Variants in HSPE1 observed in about 807,000 individuals in gnomAD.
The protein encoded by HSPE1 is heat shock protein family E (Hsp10) member 1, also known as 10 kDa heat shock protein, mitochondrial.
HSPE1 carries 1 observed loss-of-function variant against 13.2 expected under a neutral mutation model. The ratio of observed to expected loss-of-function variants is 0.08; its 90% CI spans 0.03 to 0.36. The LOEUF (loss-of-function observed/expected upper bound fraction) is 0.36. Among genes scored for constraint, HSPE1 ranks in the 10% least tolerant of loss-of-function variants. The probability of loss-of-function intolerance (pLI) is 0.99; values close to 1 mark genes in which losing one functional copy is unlikely to be tolerated. For missense variants in HSPE1, 73 were observed against 118.7 expected, an observed-to-expected ratio of 0.62 and a Z score of 1.79; for synonymous variants, 44 against 42.0, an observed-to-expected ratio of 1.05 and a Z score of -0.19.
chr2:197,502,000 A>C (rs2106086325), intron 2 of HSPE1, among the ~76,000 whole-genome samples: 1 of 152,292 alleles, frequency 6.6e-6, no homozygotes, highest in South Asian at 2.1e-4. Flanking sequence ...CTACAAAATA[A>C]ATAAATACAA....
chr2:197,501,572 G>C (rs1404190217), intron 2 of HSPE1: 2 of 170,938 alleles, frequency 1.2e-5, no homozygotes, highest in Non-Finnish European at 2.5e-5. Context: ...AGACCAGCCT[G>C]ACCAACATGG....
intron 2 of HSPE1, among the ~76,000 whole-genome samples, chr2:197,502,275 A>G (rs542501777): frequency 2.6e-5 from 4 of 152,340 alleles, no homozygotes; most frequent in Admixed American, 1.3e-4. Context: ...AGCTACTGCT[A>G]ATGTTAGTGT....
At chr2:197,500,967 G>A in intron 1 of HSPE1, 107 bp from the exon 2 acceptor site, 1 of 1,323,900 alleles carries the variant, frequency 7.6e-7, no homozygotes, top group South Asian at 1.4e-5. Flanking sequence ...GAGGTTTGGT[G>A]TTAACTTTCA....
chr2:197,500,988 G>A (rs1476606455), intron 1 of HSPE1, 86 bp from the exon 2 acceptor site: 3 of 1,487,242 alleles, frequency 2.0e-6, no homozygotes, highest in African/African-American at 2.8e-5. Flanking sequence ...AAGCCAAAAC[G>A]TGTTGAGATG....
intron 1 of HSPE1, chr2:197,500,655 G>A (rs747525013): frequency 1.2e-5 from 8 of 685,480 alleles, no homozygotes; most frequent in African/African-American, 1.1e-4. Flanking sequence ...AAGGCAGGGG[G>A]GCGAGAACCC....
chr2:197,503,015 A>G (rs2086275230), intron 2 of HSPE1, 24 bp from the exon 3 acceptor site: 1 of 1,369,028 alleles, frequency 7.3e-7, no homozygotes. Context: ...TATCTTTGCT[A>G]ATAAACATCC....
Position 197,500,451 on chromosome 2 carries a change from G to T in HSPE1, c.3+12G>T. 1 of 1,598,866 alleles carries T rather than the reference G, an allele frequency of 6.3e-7. No homozygotes were observed. Reference sequence around the variant, plus strand: ...CGGAGGGAGTAATGGTGAGTCCCGCGTGGCCCCGAGGCCTGCAGGCCCGGG... The same window carrying T: ...CGGAGGGAGTAATGGTGAGTCCCGCTTGGCCCCGAGGCCTGCAGGCCCGGG... On this transcript the variant is annotated intron_variant, in intron 1 of 3. Transcript: ENST00000233893.
In HSPE1 at chr2:197,503,202, C is replaced by T. The variant is rs372689034; in HGVS notation, c.259-7C>T. 4 of 1,600,528 alleles carry T rather than the reference C, an allele frequency of 2.5e-6. No individual in the cohort carries two copies. The African/African-American group carries it at 4.0e-5, about 16-fold the overall frequency. On this transcript the variant is annotated splice_polypyrimidine_tract_variant and splice_region_variant and intron_variant, in intron 3 of 3. Coordinates refer to ENST00000233893, the MANE Select transcript of HSPE1 (RefSeq NM_002157.3). ...TTGTCTTAACTAATGGTTTTTTTCA[C>T]TTGCAGGATTATTTCCTATTTAGAG... is the stretch of plus-strand genomic sequence containing the variant.
chr2:197,502,207 A>G (rs1012558055), intron 2 of HSPE1, among the ~76,000 whole-genome samples: 1 of 152,208 alleles, frequency 6.6e-6, no homozygotes, highest in Non-Finnish European at 1.5e-5. Context: ...CGCCTAACGC[A>G]AATCCCTAAA....
chr2:197,500,991 T>G, intron 1 of HSPE1, 83 bp from the exon 2 acceptor site: 4 of 1,499,006 alleles, frequency 2.7e-6, no homozygotes, highest in Non-Finnish European at 2.7e-6. Context: ...CCAAAACGTG[T>G]TGAGATGTAT....
intron 2 of HSPE1, among the ~76,000 whole-genome samples, chr2:197,502,153 T>C (rs1488582603): frequency 6.6e-6 from 1 of 152,228 alleles, no homozygotes; most frequent in Non-Finnish European, 1.5e-5. Context: ...AGGAACAGGT[T>C]GGTCAGTCTT....
chr2:197,500,955 C>T (rs1318135774), intron 1 of HSPE1, 119 bp from the exon 2 acceptor site: 1 of 1,167,440 alleles, frequency 8.6e-7, no homozygotes, highest in Middle Eastern at 2.8e-4. Flanking sequence ...AACGAATAAG[C>T]TGAGGTTTGG....
In HSPE1 at chr2:197,503,095, A is replaced by T; in HGVS notation, c.225A>T (p.Glu75Asp). The T allele has an allele frequency of 4.4e-6, 7 of 1,608,642 alleles. No homozygotes were observed. Among genetic ancestry groups the T allele is most frequent in the Non-Finnish European group, 6.0e-6 (7 of 1,176,278 alleles). Residue 75 changes from glutamate (E) to aspartate (D), a missense_variant, in exon 3 of 4, where the codon GAA becomes GAT. Transcript: ENST00000233893. Reference sequence around the variant, plus strand: ...TTGGAGATAAAGTTCTTCTCCCAGAATATGGAGGCACCAAAGTAGTTCTAG... The same window carrying T: ...TTGGAGATAAAGTTCTTCTCCCAGATTATGGAGGCACCAAAGTAGTTCTAG... ...VKVGDKVLLP[E>D]YGGTKVVLDD... is the part of the protein sequence containing the mutation.
At position 197,503,343 on chromosome 2, in the gene HSPE1, C is replaced by T. The variant is rs970119399; in HGVS notation, c.*84C>T. Reference sequence around the variant, plus strand: ...AATCTTTCGTCATGTAAATAATTTCCATATTTCTCTTTTATAATAAACTAA... The same window carrying T: ...AATCTTTCGTCATGTAAATAATTTCTATATTTCTCTTTTATAATAAACTAA... On this transcript the variant is annotated 3_prime_UTR_variant, in exon 4 of 4. Transcript: ENST00000233893. The T allele has an allele frequency of 2.3e-6, 2 of 884,808 alleles. No individual in the cohort carries two copies. The highest frequency in any genetic ancestry group is 1.7e-5 in the African/African-American group (1 of 59,786). The allele number at this position is 884,808 out of a possible 1,614,324, so 54.8% of individuals were successfully genotyped here. A position where few individuals can be genotyped will look rare whatever the true frequency, so the allele number is the denominator to read the frequency against.
intron 1 of HSPE1, 23 bp from the exon 2 acceptor site, chr2:197,501,051 T>C: frequency 6.2e-7 from 1 of 1,606,846 alleles, no homozygotes; most frequent in East Asian, 2.2e-5. Context: ...AGTTTTTGTT[T>C]CAAAACATTT....
Position 197,503,431 on chromosome 2 carries a change from A to C in HSPE1, c.*172A>C. ...CCTTGTACTGATATAAACACTTCCA[A>C]ATAAAAATATGTAAATGAGTGGTTA... On this transcript the variant is annotated 3_prime_UTR_variant, in exon 4 of 4. Coordinates refer to ENST00000233893, the MANE Select transcript of HSPE1 (RefSeq NM_002157.3). 1 of 450,972 alleles carries C rather than the reference A, an allele frequency of 2.2e-6. No individual in the cohort carries two copies. The highest frequency in any genetic ancestry group is 3.9e-6 in the Non-Finnish European group (1 of 255,158). The allele number at this position is 450,972 out of a possible 1,614,324, so 27.9% of individuals were successfully genotyped here. A position where few individuals can be genotyped will look rare whatever the true frequency, so the allele number is the denominator to read the frequency against.
At chr2:197,500,477 C>T (rs1278413283) in intron 1 of HSPE1, 38 bp downstream of exon 1, 2 of 1,585,080 alleles carry the variant, frequency 1.3e-6, no homozygotes, top group South Asian at 2.3e-5. Flanking sequence ...CAGGCCCGGG[C>T]CTGTCTGAGG....
At position 197,500,407 on chromosome 2, in the gene HSPE1, G is replaced by A. The variant is rs370142828; in HGVS notation, c.-30G>A. On this transcript the variant is annotated 5_prime_UTR_variant, in exon 1 of 4. Coordinates refer to ENST00000233893, the MANE Select transcript of HSPE1 (RefSeq NM_002157.3). ...AGTCTCTTTGCGGCGCTACACTAGA[G>A]CAGAGTACGAGTCTGAGGCGGAGGG... The A allele has an allele frequency of 9.1e-5, 146 of 1,599,270 alleles. 2 individuals are homozygous for A. The South Asian group carries it at 1.6e-3, about 17-fold the overall frequency.
Position 197,503,441 on chromosome 2 carries a change from T to A in HSPE1, c.*182T>A, listed in dbSNP as rs577929605. 19 of 442,820 alleles carry A rather than the reference T, an allele frequency of 4.3e-5. 2 individuals are homozygous for A. The South Asian group carries it at 8.4e-4, about 20-fold the overall frequency. 27.4% of individuals were successfully genotyped at this position (442,820 alleles called of 1,614,324 possible). On this transcript the variant is annotated 3_prime_UTR_variant, in exon 4 of 4. Transcript: ENST00000233893. ...ATATAAACACTTCCAAATAAAAATA[T>A]GTAAATGAGTGGTTAATCTTTAGTT...
Sources: gnomAD v4.1 joint callset for allele counts (sites outside exome capture counted in the v4.1 genomes callset) on GRCh38, gnomAD v4.1.1 for gene constraint, MANE v1.5 for transcripts, NCBI Gene and HGNC (gene_info 2026-07-23, HGNC 2026-07-21) for gene names.